BRCC3: variants seen among roughly 807,000 people sequenced by gnomAD.
The protein encoded by BRCC3 is lys-63-specific deubiquitinase BRCC36.
BRCC3 carries 15 observed loss-of-function variants against 28.0 expected under a neutral mutation model. That is an observed-to-expected ratio of 0.54 (90% CI 0.36 to 0.82). The LOEUF is 0.82. Ranked by LOEUF, BRCC3 falls within the 40% of genes least tolerant of loss-of-function variation. BRCC3 has a pLI of 0.01. For missense variants in BRCC3, 109 were observed against 225.9 expected (o/e 0.48, Z 3.32); for synonymous variants, 66 against 80.3 (o/e 0.82, Z 0.95).
chrX:155,092,467 G>T (rs1236971599), intron 7 of BRCC3, among the ~76,000 whole-genome samples: 1 of 111,455 alleles, frequency 9.0e-6, no homozygotes, highest in Non-Finnish European at 1.9e-5. Context: ...AAAATAAAGT[G>T]TTTATATTGT....
intron 7 of BRCC3, among the ~76,000 whole-genome samples, chrX:155,105,227 A>C (rs1057389474): frequency 2.7e-5 from 3 of 112,139 alleles, no homozygotes; most frequent in Non-Finnish European, 5.6e-5. Flanking sequence ...TCATGTCTGT[A>C]ATCCCAGCAC....
intron 10 of BRCC3, among the ~76,000 whole-genome samples, chrX:155,121,013 C>G (rs2074385501): frequency 9.0e-6 from 1 of 111,340 alleles, no homozygotes; most frequent in South Asian, 3.8e-4. Flanking sequence ...TTTTGTTTCT[C>G]CCTCTCATTT....
At chrX:155,085,493 C>A (rs1170041557) in intron 5 of BRCC3, among the ~76,000 whole-genome samples, 1 of 111,932 alleles carries the variant, frequency 8.9e-6, no homozygotes, top group South Asian at 3.7e-4. Flanking sequence ...TGGTCCAATC[C>A]GTAACCTGCT....
intron 7 of BRCC3, among the ~76,000 whole-genome samples, chrX:155,093,897 C>A (rs1428858319): frequency 9.1e-6 from 1 of 110,047 alleles, no homozygotes; most frequent in Non-Finnish European, 1.9e-5. Context: ...TCTTCCAACT[C>A]TTTTATTTTG....
chrX:155,117,065 T>G (rs1346333385), intron 9 of BRCC3, among the ~76,000 whole-genome samples: 1 of 112,325 alleles, frequency 8.9e-6, no homozygotes, highest in Non-Finnish European at 1.9e-5. Flanking sequence ...GACCCTGATT[T>G]GTCGTGTTTG....
At chrX:155,076,138 C>T (rs2074040084) in intron 3 of BRCC3, among the ~76,000 whole-genome samples, 1 of 111,942 alleles carries the variant, frequency 8.9e-6, no homozygotes, top group South Asian at 3.7e-4. Flanking sequence ...AGGCCGGGTG[C>T]GGTGGGTTAT....
At chrX:155,095,970 A>G (rs5945300) in intron 7 of BRCC3, among the ~76,000 whole-genome samples, 23,829 of 111,307 alleles carry the variant, frequency 0.21, 2,014 homozygotes, top group South Asian at 0.39. Flanking sequence ...GTTTGGTATA[A>G]GTACACTGTA....
intron 3 of BRCC3, among the ~76,000 whole-genome samples, chrX:155,075,836 T>C (rs2074036141): frequency 8.9e-6 from 1 of 111,840 alleles, no homozygotes; most frequent in African/African-American, 3.3e-5. Context: ...CTTTCTTAGC[T>C]TTGCCATCTG....
Position 155,078,612 on chromosome X carries a change from A to G in BRCC3, c.316-4A>G. 8.4e-7 allele frequency: 1 copy of G among 1,190,056 alleles called. No homozygotes were observed. ...ACATTTTTAAAGTACCTTGACAGAC[A>G]CACAGGTTGGCTGAACTGACAGGCC... On this transcript the variant is annotated splice_region_variant and splice_polypyrimidine_tract_variant and intron_variant, in intron 4 of 10. Coordinates refer to ENST00000330045, the MANE Select transcript of BRCC3 (RefSeq NM_001018055.3).
chrX:155,106,013 G>T (rs1203700644), intron 7 of BRCC3, among the ~76,000 whole-genome samples: 1 of 111,940 alleles, frequency 8.9e-6, no homozygotes, highest in Non-Finnish European at 1.9e-5. Flanking sequence ...TTACATGTTT[G>T]GTTTTTCATG....
chrX:155,120,775 C>G (rs1253527122), intron 10 of BRCC3, among the ~76,000 whole-genome samples: 3 of 111,462 alleles, frequency 2.7e-5, no homozygotes, highest in Non-Finnish European at 5.7e-5. Context: ...TCCTATCTGC[C>G]TAGGAGTTTC....
chrX:155,105,232 C>G (rs782219562), intron 7 of BRCC3, among the ~76,000 whole-genome samples: 1 of 112,039 alleles, frequency 8.9e-6, no homozygotes, highest in South Asian at 3.7e-4. Flanking sequence ...TCTGTAATCC[C>G]AGCACTTTGG....
At chrX:155,085,896 GACA>G (rs1557294771) in intron 5 of BRCC3, among the ~76,000 whole-genome samples, 9 of 111,652 alleles carry the variant, frequency 8.1e-5, no homozygotes, top group African/African-American at 2.9e-4. Context: ...GCTTTGCCAT[GACA>G]GCTACCTGAA....
chrX:155,074,438 C>T (rs1348694887), intron 3 of BRCC3, among the ~76,000 whole-genome samples: 3 of 111,683 alleles, frequency 2.7e-5, no homozygotes, highest in Admixed American at 9.5e-5. Flanking sequence ...CTTCATCTTT[C>T]TCCTTGAATC....
At chrX:155,075,898 G>A (rs1171775543) in intron 3 of BRCC3, among the ~76,000 whole-genome samples, 3 of 111,940 alleles carry the variant, frequency 2.7e-5, no homozygotes, top group Admixed American at 9.5e-5. Context: ...TTGTCTCCCA[G>A]ACACCTCATT....
rs148288508 is a variant in BRCC3, at chrX:155,112,282, G to A, written c.549-3775G>A. Among the ~76,000 whole-genome samples the A allele has an allele frequency of 2.9e-4, 32 of 111,459 alleles. No homozygotes were observed. In the South Asian group the frequency reaches 3.8e-3, roughly 13 times the overall value. ...ATTTGAACATTAGAACTGCAATACC[G>A]TGACAGTCAATCTGATGGTTACCAA... On this transcript the variant is annotated intron_variant, in intron 7 of 10. Coordinates refer to ENST00000330045, the MANE Select transcript of BRCC3 (RefSeq NM_001018055.3).
chrX:155,107,529 C>T (rs2074292892), intron 7 of BRCC3, among the ~76,000 whole-genome samples: 1 of 110,121 alleles, frequency 9.1e-6, no homozygotes, highest in Non-Finnish European at 1.9e-5. Flanking sequence ...TTCCTTTTTC[C>T]TTATACCACC....
intron 7 of BRCC3, among the ~76,000 whole-genome samples, chrX:155,111,408 T>C (rs1034708182): frequency 5.4e-5 from 6 of 111,536 alleles, no homozygotes; most frequent in African/African-American, 2.0e-4. Flanking sequence ...TAGCAAAGGA[T>C]AGACATATAA....
chrX:155,116,323 T>C, intron 8 of BRCC3, 135 bp downstream of exon 8: 1 of 539,714 alleles, frequency 1.9e-6, no homozygotes, highest in Admixed American at 4.3e-5. Flanking sequence ...TCTAGCAGTC[T>C]CCAATCATAA....
Sources: gnomAD v4.1 joint callset for allele counts (sites outside exome capture counted in the v4.1 genomes callset) on GRCh38, gnomAD v4.1.1 for gene constraint, MANE v1.5 for transcripts, NCBI Gene and HGNC (gene_info 2026-07-23, HGNC 2026-07-21) for gene names.